The following TCERG1L variants were observed in gnomAD, a reference collection of about 807,000 sequenced individuals.
TCERG1L encodes transcription elongation regulator 1-like protein.
A neutral mutation model predicts 56.3 loss-of-function variants in TCERG1L; 37 were observed. The observed-to-expected ratio is 0.66, with a 90% CI of 0.51 to 0.87. TCERG1L has a LOEUF of 0.87. TCERG1L is among the 40% of genes least tolerant of loss of function. The probability of loss-of-function intolerance (pLI) is 0.00; values close to 1 mark genes in which losing one functional copy is unlikely to be tolerated. For missense variants in TCERG1L, 799 were observed against 774.2 expected (o/e 1.03, Z -0.38); for synonymous variants, 324 against 326.3 (o/e 0.99, Z 0.08).
chr10:131,238,584 T>G (rs1845939245), intron 4 of TCERG1L, among the ~76,000 whole-genome samples: 1 of 152,190 alleles, frequency 6.6e-6, no homozygotes, highest in African/African-American at 2.4e-5. Flanking sequence ...GCTTTCCTAT[T>G]GGGAACCTTC....
intron 4 of TCERG1L, among the ~76,000 whole-genome samples, chr10:131,182,063 C>G (rs557728533): frequency 3.3e-5 from 5 of 152,176 alleles, no homozygotes; most frequent in African/African-American, 7.2e-5. Flanking sequence ...TACACAGCAT[C>G]TGTGTGTGTG....
chr10:131,286,703 A>G (rs1846547481), intron 3 of TCERG1L, among the ~76,000 whole-genome samples: 1 of 152,244 alleles, frequency 6.6e-6, no homozygotes, highest in African/African-American at 2.4e-5. Context: ...GAGAGGTCAC[A>G]TTTGGGTTCC....
chr10:131,231,409 G>T (rs565886869), intron 4 of TCERG1L, among the ~76,000 whole-genome samples: 2 of 152,334 alleles, frequency 1.3e-5, no homozygotes, highest in Non-Finnish European at 2.9e-5. Flanking sequence ...AGAGGCGAAG[G>T]TCGCCAACCC....
At chr10:131,288,957 A>G (rs999609249) in intron 3 of TCERG1L, among the ~76,000 whole-genome samples, 19 of 152,216 alleles carry the variant, frequency 1.2e-4, no homozygotes, top group African/African-American at 3.9e-4. Flanking sequence ...AATTTCAGCC[A>G]CACCATTTGT....
intron 11 of TCERG1L, among the ~76,000 whole-genome samples, chr10:131,094,735 C>T (rs1312959218): frequency 1.3e-5 from 2 of 152,094 alleles, no homozygotes. Context: ...CTCCCTCCTT[C>T]CCCCTTCCTT....
At chr10:131,199,911 T>C (rs1361284212) in intron 4 of TCERG1L, among the ~76,000 whole-genome samples, 1 of 152,222 alleles carries the variant, frequency 6.6e-6, no homozygotes, top group African/African-American at 2.4e-5. Flanking sequence ...TCCCGGCGGC[T>C]GCCCTCACTC....
intron 11 of TCERG1L, among the ~76,000 whole-genome samples, chr10:131,094,007 G>T (rs1564790137): frequency 6.6e-6 from 1 of 152,222 alleles, no homozygotes; most frequent in African/African-American, 2.4e-5. Context: ...AATCAGAGCT[G>T]CCAGGCCAGG....
chr10:131,257,772 A>G (rs1846188634), intron 4 of TCERG1L, among the ~76,000 whole-genome samples: 1 of 152,200 alleles, frequency 6.6e-6, no homozygotes, highest in Admixed American at 6.5e-5. Flanking sequence ...ACACTGCCAA[A>G]TACCCTCTGG....
Position 131,093,106 on chromosome 10 carries a change from C to G in TCERG1L, c.*56G>C. On this transcript the variant is annotated 3_prime_UTR_variant, in exon 12 of 12. Transcript: ENST00000368642. ...CCGTGTCCGTCTCCACCGTGACCCC[C>G]TCGCCCCCGGCACGCCCAGGGTCAA... 1 of 1,583,892 alleles carries G rather than the reference C, an allele frequency of 6.3e-7. No homozygotes were observed. Among genetic ancestry groups the G allele is most frequent in the Admixed American group, 1.8e-5 (1 of 57,124 alleles).
intron 4 of TCERG1L, among the ~76,000 whole-genome samples, chr10:131,247,845 C>A (rs1846055367): frequency 6.6e-6 from 1 of 152,178 alleles, no homozygotes; most frequent in Non-Finnish European, 1.5e-5. Flanking sequence ...TCAATCAGAT[C>A]ACTCACTCAC....
intron 3 of TCERG1L, among the ~76,000 whole-genome samples, chr10:131,270,040 C>T (rs900159089): frequency 4.6e-5 from 7 of 152,180 alleles, no homozygotes; most frequent in African/African-American, 1.7e-4. Flanking sequence ...AAACATGCAA[C>T]GGTAACACAA....
intron 4 of TCERG1L, among the ~76,000 whole-genome samples, chr10:131,208,338 AG>A (rs1259338583): frequency 6.6e-6 from 1 of 152,186 alleles, no homozygotes; most frequent in African/African-American, 2.4e-5. Flanking sequence ...GCGAAGCCTC[AG>A]AGGGGGCCTG....
intron 3 of TCERG1L, among the ~76,000 whole-genome samples, chr10:131,285,533 A>AGAG (rs1491426265): frequency 2.0e-5 from 1 of 50,202 alleles, no homozygotes; most frequent in African/African-American, 5.2e-5. Flanking sequence ...AGAGAGAAAG[A>AGAG]AAAGAAAAGA....
At position 131,311,659 on chromosome 10, in the gene TCERG1L, G is replaced by A. The variant is rs1404911192; in HGVS notation, c.-24C>T. 9.3e-6 allele frequency: 10 copies of A among 1,080,166 alleles called. No individual in the cohort carries two copies. Among genetic ancestry groups the A allele is most frequent in the Non-Finnish European group, 1.1e-5 (10 of 887,100 alleles). The allele number at this position is 1,080,166 out of a possible 1,614,324, so 66.9% of individuals were successfully genotyped here. A position where few individuals can be genotyped will look rare whatever the true frequency, so the allele number is the denominator to read the frequency against. On this transcript the variant is annotated 5_prime_UTR_variant, in exon 1 of 12. Coordinates refer to ENST00000368642, the MANE Select transcript of TCERG1L (RefSeq NM_174937.4). This position sits in a 1 kb window ranked among gnomAD's most constrained non-coding sequence, Gnocchi z 4.0. Reference sequence around the variant, plus strand: ...ATCCTACATCCCCGCGCTGACGGCGGCGGCGGGGGCGGCGGGCGCCCGAGA... The same window carrying A: ...ATCCTACATCCCCGCGCTGACGGCGACGGCGGGGGCGGCGGGCGCCCGAGA...
chr10:131,206,314 G>A (rs1018121876), intron 4 of TCERG1L, among the ~76,000 whole-genome samples: 9 of 152,138 alleles, frequency 5.9e-5, no homozygotes, highest in African/African-American at 9.7e-5. Flanking sequence ...AGGTCAGCCC[G>A]GGACACACCC....
At chr10:131,307,462 A>C (rs1212470590) in intron 3 of TCERG1L, among the ~76,000 whole-genome samples, 1 of 152,242 alleles carries the variant, frequency 6.6e-6, no homozygotes, top group Non-Finnish European at 1.5e-5. Flanking sequence ...AGGAAATTAC[A>C]AGAAGGTAAT....
intron 7 of TCERG1L, among the ~76,000 whole-genome samples, chr10:131,145,010 A>G (rs547539980): frequency 6.6e-6 from 1 of 152,310 alleles, no homozygotes; most frequent in Admixed American, 6.5e-5. Context: ...GCAACTATGC[A>G]TTGCCTTTAA....
At chr10:131,186,516 C>T (rs1391264821) in intron 4 of TCERG1L, among the ~76,000 whole-genome samples, 3 of 152,160 alleles carry the variant, frequency 2.0e-5, no homozygotes, top group African/African-American at 7.2e-5. Flanking sequence ...GGCTGCAGAT[C>T]TGATGGCTGC....
intron 3 of TCERG1L, among the ~76,000 whole-genome samples, chr10:131,268,246 T>G (rs1417058126): frequency 6.6e-6 from 1 of 152,232 alleles, no homozygotes; most frequent in Non-Finnish European, 1.5e-5. Context: ...GCTGCTGCCA[T>G]TCATAATATT....
Sources: gnomAD v4.1 joint callset for allele counts (sites outside exome capture counted in the v4.1 genomes callset) on GRCh38, gnomAD v4.1.1 for gene constraint, Gnocchi (gnomAD v3.1) non-coding constraint, MANE v1.5 for transcripts, NCBI Gene and HGNC (gene_info 2026-07-23, HGNC 2026-07-21) for gene names.